The following CDH10 variants were observed in gnomAD, a reference collection of about 807,000 sequenced individuals.
CDH10 encodes the protein cadherin-10.
A neutral mutation model predicts 73.1 loss-of-function variants in CDH10; 30 were observed. The observed-to-expected ratio is 0.41, with a 90% CI of 0.31 to 0.56. The LOEUF (loss-of-function observed/expected upper bound fraction) is 0.56, where lower values mean the gene tolerates loss of function less well. Ranked by LOEUF, CDH10 falls within the 20% of genes least tolerant of loss-of-function variation. The pLI, the probability that CDH10 is intolerant of heterozygous loss-of-function variation, is 0.27. For missense variants in CDH10, 815 were observed against 973.7 expected (o/e 0.84, Z 2.17); for synonymous variants, 345 against 348.2 (o/e 0.99, Z 0.10).
rs371195179 is a variant in CDH10, at chr5:24,529,354, A to G, written c.814+5758T>C. ...CTTTAGTGTTAATTTGATGGGAAAT[A>G]TAATGAATTGATGTTGAAATTCTCA... On this transcript the variant is annotated intron_variant, in intron 5 of 11. Transcript: ENST00000264463. 4.9e-4 allele frequency among the ~76,000 whole-genome samples: 75 copies of G among 152,108 alleles called. No homozygotes were observed. The South Asian group carries it at 0.014, about 29-fold the overall frequency.
chr5:24,520,645 C>A (rs1257741320), intron 5 of CDH10, among the ~76,000 whole-genome samples: 5 of 152,072 alleles, frequency 3.3e-5, no homozygotes, highest in Non-Finnish European at 5.9e-5. Context: ...TTTCAGGTGG[C>A]GCTACTTATA....
chr5:24,617,572 G>T (rs1468023469), intron 1 of CDH10, among the ~76,000 whole-genome samples: 1 of 152,046 alleles, frequency 6.6e-6, no homozygotes, highest in Non-Finnish European at 1.5e-5. Context: ...AAATGTAAAA[G>T]TAATACTATT....
intron 5 of CDH10, among the ~76,000 whole-genome samples, chr5:24,524,683 A>C (rs1579759412): frequency 6.6e-6 from 1 of 152,220 alleles, no homozygotes; most frequent in African/African-American, 2.4e-5. Flanking sequence ...TTAAGCACAA[A>C]GGCATGAATG....
rs2111752311 is a variant in CDH10 at position 24,509,699 on chromosome 5, T to C, written c.1123A>G (p.Ile375Val). Reference sequence around the variant, plus strand: ...ACAGGAGGTTCATCCACATCTTCTATAGAGATTTTCACTATGGTAGTATCT... The same window carrying C: ...ACAGGAGGTTCATCCACATCTTCTACAGAGATTTTCACTATGGTAGTATCT... ...FKDTTIVKIS[I>V]EDVDEPPVFS... Residue 375 changes from isoleucine (I) to valine (V), a missense_variant, in exon 7 of 12, where the codon ATA becomes GTA. Around this residue, in one of 3 missense-constraint regions of CDH10, gnomAD observed 516 missense variants for 636.6 expected, o/e 0.81. Transcript: ENST00000264463. 1 of 1,613,710 alleles carries C rather than the reference T, an allele frequency of 6.2e-7. No individual in the cohort carries two copies. The highest frequency in any genetic ancestry group is 2.2e-5 in the East Asian group (1 of 44,870).
intron 2 of CDH10, among the ~76,000 whole-genome samples, chr5:24,538,317 A>C (rs1744031503): frequency 6.6e-6 from 1 of 152,132 alleles, no homozygotes; most frequent in Non-Finnish European, 1.5e-5. Context: ...ATGAACTATA[A>C]AATAAAATAT....
intron 2 of CDH10, among the ~76,000 whole-genome samples, chr5:24,587,894 G>C (rs1746076331): frequency 6.6e-6 from 1 of 152,106 alleles, no homozygotes; most frequent in Non-Finnish European, 1.5e-5. Context: ...ATAACTGCTA[G>C]CTAAAATATT....
chr5:24,599,523 T>C (rs537727691), intron 1 of CDH10, among the ~76,000 whole-genome samples: 1 of 152,300 alleles, frequency 6.6e-6, no homozygotes, highest in South Asian at 2.1e-4. Flanking sequence ...GTGTGTAAAC[T>C]AACTTACTAT....
rs70965616 is a variant in CDH10, at chr5:24,563,597, C to CAAAAAAAA, written c.232-25931_232-25924dup. ...TGAAACCCCGTCTCTACTAAAAATACAAAAAAAAAAAAAAAAAAAATTAGC... is the reference window on the plus strand; with the variant it reads ...TGAAACCCCGTCTCTACTAAAAATACAAAAAAAAAAAAAAAAAAAAAAAAAAAATTAGC... On this transcript the variant is annotated intron_variant, in intron 2 of 11. Coordinates refer to ENST00000264463, the MANE Select transcript of CDH10 (RefSeq NM_006727.5). Among the ~76,000 whole-genome samples, 71 of 88,714 alleles carry CAAAAAAAA rather than the reference C, an allele frequency of 8.0e-4. 4 individuals carry two copies. Among genetic ancestry groups the CAAAAAAAA allele is most frequent in the East Asian group, 3.1e-3 (9 of 2,920 alleles). 58.2% of individuals were successfully genotyped at this position (88,714 alleles called of 152,430 possible). A position where few individuals can be genotyped will look rare whatever the true frequency, so the allele number is the denominator to read the frequency against.
At chr5:24,643,125 T>G (rs546695943) in intron 1 of CDH10, among the ~76,000 whole-genome samples, 100 of 152,226 alleles carry the variant, frequency 6.6e-4, no homozygotes, top group African/African-American at 2.4e-3. Flanking sequence ...AAATAAACCA[T>G]TACTTCCTTA....
chr5:24,584,782 T>C (rs1218910799), intron 2 of CDH10, among the ~76,000 whole-genome samples: 1 of 151,938 alleles, frequency 6.6e-6, no homozygotes, highest in African/African-American at 2.4e-5. Flanking sequence ...CATCCCTTTT[T>C]ACTATCCACA....
intron 1 of CDH10, among the ~76,000 whole-genome samples, chr5:24,604,805 G>A (rs71616662): frequency 0.13 from 19,618 of 150,336 alleles, 1,336 homozygotes; most frequent in East Asian, 0.17. Context: ...GCCGGGAGGC[G>A]GAGGTTGCAG....
chr5:24,551,141 T>C lies in CDH10; in HGVS notation c.232-13467A>G, dbSNP rs543698842. ...CATCCTTTTCCATTCTTAAGCCATA[T>C]AAGCCTAAACTGGCCTTTCTGTTTC... On this transcript the variant is annotated intron_variant, in intron 2 of 11. Transcript: ENST00000264463. 1.5e-4 allele frequency among the ~76,000 whole-genome samples: 23 copies of C among 152,314 alleles called. No homozygotes were observed. In the South Asian group the frequency reaches 4.1e-3, roughly 27 times the overall value.
At chr5:24,626,691 T>C (rs1747511327) in intron 1 of CDH10, among the ~76,000 whole-genome samples, 1 of 151,694 alleles carries the variant, frequency 6.6e-6, no homozygotes, top group Admixed American at 6.6e-5. Flanking sequence ...CATGAATCAC[T>C]TAAATCTGGG....
intron 5 of CDH10, among the ~76,000 whole-genome samples, chr5:24,526,884 A>G (rs1053526301): frequency 6.6e-6 from 1 of 151,766 alleles, no homozygotes; most frequent in African/African-American, 2.4e-5. Flanking sequence ...CTCACCTCTC[A>G]CAATCCCTGA....
intron 2 of CDH10, among the ~76,000 whole-genome samples, chr5:24,574,516 G>C (rs190930237): frequency 4.3e-4 from 65 of 152,082 alleles, no homozygotes; most frequent in Non-Finnish European, 5.9e-5. Flanking sequence ...TGCAGCTGTA[G>C]AACAAATTAC....
intron 7 of CDH10, among the ~76,000 whole-genome samples, chr5:24,509,198 T>A (rs1742804290): frequency 6.6e-6 from 1 of 151,558 alleles, no homozygotes; most frequent in African/African-American, 2.4e-5. Context: ...AACTGCTTTT[T>A]TTTTTTTTTT....
At chr5:24,509,426 A>C in intron 7 of CDH10, 140 bp downstream of exon 7, 3 of 638,592 alleles carry the variant, frequency 4.7e-6, no homozygotes, top group Non-Finnish European at 8.0e-6. Context: ...TCTTTAGTAG[A>C]GACAGGGTTT....
chr5:24,566,581 G>C (rs12187078), intron 2 of CDH10, among the ~76,000 whole-genome samples: 1 of 151,762 alleles, frequency 6.6e-6, no homozygotes, highest in Non-Finnish European at 1.5e-5. Flanking sequence ...TTTTGTCCAA[G>C]GTATGAGAAC....
chr5:24,640,163 T>C (rs1459692719), intron 1 of CDH10, among the ~76,000 whole-genome samples: 1 of 151,768 alleles, frequency 6.6e-6, no homozygotes, highest in Non-Finnish European at 1.5e-5. Context: ...TACAGAAATA[T>C]AACTTTACAA....
Sources: allele counts gnomAD v4.1 joint callset (sites outside exome capture counted in the v4.1 genomes callset), GRCh38; gene constraint gnomAD v4.1.1; regional missense constraint gnomAD v4.1.1; transcripts MANE v1.5; gene names NCBI Gene and HGNC (gene_info 2026-07-23, HGNC 2026-07-21).